FOXP2: variants seen among roughly 807,000 people sequenced by gnomAD.
FOXP2 encodes forkhead box P2.
FOXP2 carries 12 observed loss-of-function variants against 115.8 expected under a neutral mutation model. That is an observed-to-expected ratio of 0.10 (90% CI 0.07 to 0.17). The LOEUF (loss-of-function observed/expected upper bound fraction) is 0.17. Among genes scored for constraint, FOXP2 ranks in the 10% least tolerant of loss-of-function variants. FOXP2 has a pLI of 1.00. For missense variants in FOXP2, 629 were observed against 843.5 expected, an observed-to-expected ratio of 0.75 and a Z score of 3.15; for synonymous variants, 328 against 297.7, an observed-to-expected ratio of 1.10 and a Z score of -1.05.
chr7:114,266,367 G>A (rs1242769576), intron 1 of FOXP2, among the ~76,000 whole-genome samples: 1 of 152,158 alleles, frequency 6.6e-6, no homozygotes, highest in African/African-American at 2.4e-5. Flanking sequence ...TTTATAAAGA[G>A]GTTTAATTGG....
At chr7:114,404,253 A>G (rs917629682) in intron 2 of FOXP2, among the ~76,000 whole-genome samples, 2 of 152,150 alleles carry the variant, frequency 1.3e-5, no homozygotes, top group African/African-American at 2.4e-5. Context: ...TGGCAAATGT[A>G]AATAAGAATT....
At position 114,426,646 on chromosome 7, in the gene FOXP2, C is replaced by T. The variant is rs1206960236; in HGVS notation, c.135C>T (p.Ser45=). The change falls in exon 2 of 17, where the codon AGC becomes AGT. Residue 45 remains serine, a synonymous_variant. Coordinates refer to ENST00000350908, the MANE Select transcript of FOXP2 (RefSeq NM_014491.4). ...RSSGDTSSEV[S]TVELLHLQQQ... ...GTGGTGACACCAGCTCTGAAGTAAGCACAGTAGAACTGCTGCATCTGCAAC... is the reference window on the plus strand; with the variant it reads ...GTGGTGACACCAGCTCTGAAGTAAGTACAGTAGAACTGCTGCATCTGCAAC... 1.2e-6 allele frequency: 2 copies of T among 1,611,342 alleles called. No homozygotes were observed. Among genetic ancestry groups the T allele is most frequent in the South Asian group, 2.2e-5 (2 of 91,026 alleles).
At chr7:114,584,758 C>T (rs920703036) in intron 3 of FOXP2, among the ~76,000 whole-genome samples, 3 of 152,156 alleles carry the variant, frequency 2.0e-5, no homozygotes, top group Admixed American at 1.3e-4. Context: ...TGTGGAGTCC[C>T]TATCATGTCC....
At chr7:114,422,503 CAGAT>C (rs963210350) in intron 1 of FOXP2, among the ~76,000 whole-genome samples, 8 of 151,600 alleles carry the variant, frequency 5.3e-5, no homozygotes, top group Non-Finnish European at 1.0e-4. Context: ...CATACATAGA[CAGAT>C]TGATTGATCT....
intron 2 of FOXP2, among the ~76,000 whole-genome samples, chr7:114,315,094 A>G (rs529147203): frequency 2.0e-5 from 3 of 152,282 alleles, no homozygotes; most frequent in Admixed American, 1.3e-4. Flanking sequence ...AACAATGTCA[A>G]TCCAGGTTCC....
intron 3 of FOXP2, among the ~76,000 whole-genome samples, chr7:114,576,166 A>G (rs1801565437): frequency 1.3e-5 from 2 of 151,974 alleles, no homozygotes; most frequent in African/African-American, 2.4e-5. Flanking sequence ...GGTTATTGTT[A>G]AAAACATTCC....
intron 1 of FOXP2, among the ~76,000 whole-genome samples, chr7:114,176,314 CTCTCTCTTTCTTTT>C (rs1793306100): frequency 7.2e-6 from 1 of 138,524 alleles, no homozygotes; most frequent in South Asian, 2.2e-4. Context: ...CTCTCTCTCT[CTCTCTCTTTCTTTT>C]TCTTTCTTTC....
chr7:114,438,726 C>T (rs1794462293), intron 2 of FOXP2, among the ~76,000 whole-genome samples: 1 of 151,940 alleles, frequency 6.6e-6, no homozygotes, highest in South Asian at 2.1e-4. Flanking sequence ...GTCTTAAAGT[C>T]ACAGCTAGAA....
intron 1 of FOXP2, among the ~76,000 whole-genome samples, chr7:114,208,442 G>A (rs2100249): frequency 6.6e-6 from 1 of 152,028 alleles, no homozygotes; most frequent in South Asian, 2.1e-4. Context: ...GAAGGGACTT[G>A]CCTTGTCTCA....
rs1798348181 is a variant in FOXP2, at chr7:114,516,443, A to T, written c.169-18174A>T. 2.0e-5 allele frequency among the ~76,000 whole-genome samples: 3 copies of T among 152,160 alleles called. No individual in the cohort carries two copies. The South Asian group carries it at 6.2e-4, about 32-fold the overall frequency. ...ATTAAAGACTGAAACGTTACACCTA[A>T]AACCATAAAAACCCTAGAAGAAAAC... is the stretch of plus-strand genomic sequence containing the variant. On this transcript the variant is annotated intron_variant, in intron 2 of 16. Coordinates refer to ENST00000350908, the MANE Select transcript of FOXP2 (RefSeq NM_014491.4).
chr7:114,458,114 T>C (rs899191591), intron 2 of FOXP2, among the ~76,000 whole-genome samples: 3 of 152,178 alleles, frequency 2.0e-5, no homozygotes, highest in Non-Finnish European at 4.4e-5. Flanking sequence ...CCAAGCTTTA[T>C]TTAAGTGGCA....
At chr7:114,256,443 C>T (rs970614490) in intron 1 of FOXP2, among the ~76,000 whole-genome samples, 4 of 152,116 alleles carry the variant, frequency 2.6e-5, no homozygotes, top group Admixed American at 2.6e-4. Context: ...TTGCATTTCT[C>T]TAATGACCAT....
chr7:114,348,816 A>G (rs779196637), intron 2 of FOXP2, among the ~76,000 whole-genome samples: 2 of 152,088 alleles, frequency 1.3e-5, no homozygotes, highest in Non-Finnish European at 2.9e-5. Context: ...AAACTAAGTA[A>G]CAATACCCTA....
intron 1 of FOXP2, among the ~76,000 whole-genome samples, chr7:114,139,663 C>A (rs1322260033): frequency 1.3e-5 from 2 of 152,146 alleles, no homozygotes; most frequent in Non-Finnish European, 2.9e-5. Context: ...CATTATTTAA[C>A]ATCTTAAAGG....
At chr7:114,560,693 A>G (rs1800718681) in intron 3 of FOXP2, among the ~76,000 whole-genome samples, 3 of 152,218 alleles carry the variant, frequency 2.0e-5, no homozygotes, top group African/African-American at 7.2e-5. Context: ...AAACAATGAA[A>G]AATGAGGGCA....
rs555300644 is a variant in FOXP2 at position 114,521,003 on chromosome 7, T to C, written c.169-13614T>C. ...ATTACAAAAATGGGAAAAGTCTAAA[T>C]ATCTATCAGAAGAGGATTGTATTAA... On this transcript the variant is annotated intron_variant, in intron 2 of 16. Transcript: ENST00000350908. Among the ~76,000 whole-genome samples the C allele has an allele frequency of 8.5e-5, 13 of 152,264 alleles. No individual in the cohort carries two copies. In the East Asian group the frequency reaches 2.5e-3, roughly 29 times the overall value.
intron 3 of FOXP2, among the ~76,000 whole-genome samples, chr7:114,576,766 G>T (rs556161013): frequency 6.6e-6 from 1 of 151,876 alleles, no homozygotes; most frequent in African/African-American, 2.4e-5. Context: ...ACTTCTAACC[G>T]TTTGCTCTAT....
intron 2 of FOXP2, among the ~76,000 whole-genome samples, chr7:114,464,604 C>G (rs1795725955): frequency 1.3e-5 from 2 of 152,164 alleles, no homozygotes; most frequent in African/African-American, 4.8e-5. Context: ...AGGGTGAACT[C>G]TGTGTGTGTG....
intron 3 of FOXP2, among the ~76,000 whole-genome samples, chr7:114,590,174 A>C (rs1802375196): frequency 1.3e-5 from 2 of 152,242 alleles, no homozygotes; most frequent in African/African-American, 2.4e-5. Context: ...TTAGAGCACA[A>C]ATTTTGCTTA....
Sources: gnomAD v4.1 joint callset for allele counts (sites outside exome capture counted in the v4.1 genomes callset) on GRCh38, gnomAD v4.1.1 for gene constraint, MANE v1.5 for transcripts, NCBI Gene and HGNC (gene_info 2026-07-23, HGNC 2026-07-21) for gene names.